Variants in NARS2 observed in about 807,000 individuals in gnomAD.
NARS2 encodes the protein asparaginyl-tRNA synthetase.
NARS2 carries 60 observed loss-of-function variants against 62.9 expected under a neutral mutation model. The ratio of observed to expected loss-of-function variants is 0.95; its 90% CI spans 0.77 to 1.18. The LOEUF is 1.18. NARS2 is among the 50% of genes most tolerant of loss of function. The pLI, the probability that NARS2 is intolerant of heterozygous loss-of-function variation, is 0.00. For synonymous variants in NARS2, 196 were observed against 200.0 expected (o/e 0.98, Z 0.17); for missense variants, 619 against 576.4 (o/e 1.07, Z -0.76).
At chr11:78,494,515 A>T (rs1373820948) in intron 6 of NARS2, among the ~76,000 whole-genome samples, 8 of 148,182 alleles carry the variant, frequency 5.4e-5, no homozygotes, top group Non-Finnish European at 1.0e-4. Context: ...AAGGAAACAT[A>T]AAGTAACTAT....
intron 7 of NARS2, among the ~76,000 whole-genome samples, chr11:78,481,524 G>T (rs1468086736): frequency 1.3e-5 from 2 of 152,142 alleles, no homozygotes; most frequent in African/African-American, 4.8e-5. Context: ...GACCACTGGG[G>T]TTGTTAAATC....
rs544972589 is a variant in NARS2 at position 78,469,283 on chromosome 11, T to C, written c.990A>G (p.Leu330=). Reference sequence around the variant, plus strand: ...AGGTGAAGTTCTGGGATGCTTGCTTTAAGATCTCCACTGCTTCAGTATAAG... The same window carrying C: ...AGGTGAAGTTCTGGGATGCTTGCTTCAAGATCTCCACTGCTTCAGTATAAG... The part of the protein sequence containing the change: ...IISYTEAVEI[L]KQASQNFTFT... Residue 330 remains leucine (L), a synonymous_variant, in exon 10 of 14, where the codon TTA becomes TTG. Coordinates refer to ENST00000281038, the MANE Select transcript of NARS2 (RefSeq NM_024678.6). The C allele has an allele frequency of 1.4e-5, 23 of 1,613,380 alleles. No individual in the cohort carries two copies. In the South Asian group the frequency reaches 2.3e-4, roughly 16 times the overall value.
At chr11:78,522,638 T>C (rs925707033) in intron 6 of NARS2, among the ~76,000 whole-genome samples, 6 of 152,206 alleles carry the variant, frequency 3.9e-5, no homozygotes, top group Admixed American at 1.3e-4. Flanking sequence ...AACAGAAGAA[T>C]TCATTAATTT....
At chr11:78,526,112 G>A (rs1475325231) in intron 6 of NARS2, among the ~76,000 whole-genome samples, 6 of 152,188 alleles carry the variant, frequency 3.9e-5, no homozygotes, top group Admixed American at 2.0e-4. Flanking sequence ...AAAGTCTAGA[G>A]CTTCATTAAT....
At chr11:78,466,063 T>C (rs757534746) in intron 10 of NARS2, 50 bp from the exon 11 acceptor site, 10 of 1,532,458 alleles carry the variant, frequency 6.5e-6, no homozygotes, top group Admixed American at 4.4e-5. Context: ...AGGTGAAATA[T>C]ACAATTAAGC....
intron 5 of NARS2, 43 bp downstream of exon 5, chr11:78,559,496 A>G: frequency 8.0e-7 from 1 of 1,247,832 alleles, no homozygotes. Context: ...AATGAAAAAT[A>G]TTAAACAGCA....
At chr11:78,515,382 G>C (rs1329775188) in intron 6 of NARS2, among the ~76,000 whole-genome samples, 1 of 152,178 alleles carries the variant, frequency 6.6e-6, no homozygotes, top group Non-Finnish European at 1.5e-5. Flanking sequence ...GTTTGCTAGG[G>C]GTTGGGGGTA....
chr11:78,491,779 T>G (rs115520383), intron 7 of NARS2, among the ~76,000 whole-genome samples: 1,940 of 152,260 alleles, frequency 0.013, 45 homozygotes, highest in African/African-American at 0.043. Flanking sequence ...CCCACACATC[T>G]CTGCCTTAGA....
At chr11:78,447,275 TC>T (rs1301773834) in intron 11 of NARS2, among the ~76,000 whole-genome samples, 7 of 151,982 alleles carry the variant, frequency 4.6e-5, no homozygotes, top group African/African-American at 1.7e-4. Flanking sequence ...TGCCTCAGCC[TC>T]CTAAGTAGCT....
intron 6 of NARS2, 38 bp downstream of exon 6, chr11:78,528,804 T>A: frequency 2.9e-6 from 4 of 1,387,106 alleles, no homozygotes; most frequent in Non-Finnish European, 4.1e-6. Flanking sequence ...AACCAAACCA[T>A]AATATATCAA....
At chr11:78,555,067 A>T (rs1485252598) in intron 5 of NARS2, 1 of 152,240 alleles carries the variant, frequency 6.6e-6, no homozygotes, top group East Asian at 1.9e-4. Flanking sequence ...GCAACCTTGC[A>T]TCCCAGCAAT....
chr11:78,436,445 C>A lies in NARS2; in HGVS notation c.*225G>T. ...AATTGAGGTAATGGATTTGAGAGTC[C>A]CCTTGCTATAAGTACCTCTTCTTGC... On this transcript the variant is annotated 3_prime_UTR_variant, in exon 14 of 14. Transcript: ENST00000281038. 2.2e-6 allele frequency: 1 copy of A among 464,560 alleles called. No homozygotes were observed. Among genetic ancestry groups the A allele is most frequent in the Non-Finnish European group, 3.8e-6 (1 of 260,354 alleles). The allele number at this position is 464,560 out of a possible 1,614,324, so 28.8% of individuals were successfully genotyped here. A position where few individuals can be genotyped will look rare whatever the true frequency, so the allele number is the denominator to read the frequency against.
At chr11:78,513,438 A>G (rs1007614805) in intron 6 of NARS2, among the ~76,000 whole-genome samples, 2 of 150,454 alleles carry the variant, frequency 1.3e-5, no homozygotes, top group African/African-American at 4.9e-5. Context: ...CTTATTCTCT[A>G]TCTCCATGAG....
At chr11:78,488,529 T>C (rs1859676597) in intron 7 of NARS2, among the ~76,000 whole-genome samples, 1 of 152,184 alleles carries the variant, frequency 6.6e-6, no homozygotes, top group Non-Finnish European at 1.5e-5. Context: ...CAGTGTTGGA[T>C]TTCAGACCAG....
intron 5 of NARS2, among the ~76,000 whole-genome samples, chr11:78,544,797 A>C (rs1324980199): frequency 1.0e-4 from 3 of 29,890 alleles, no homozygotes; most frequent in Non-Finnish European, 4.6e-4. Context: ...CCGTCTCACA[A>C]AAAAAAAAAA....
chr11:78,572,927 G>C (rs1009138172), intron 1 of NARS2, among the ~76,000 whole-genome samples: 1 of 152,152 alleles, frequency 6.6e-6, no homozygotes, highest in Admixed American at 6.5e-5. Context: ...CAAAGTTCAA[G>C]TGCTCAGAGC....
At chr11:78,571,276 G>C in intron 2 of NARS2, 59 bp downstream of exon 2, 1 of 1,053,606 alleles carries the variant, frequency 9.5e-7, no homozygotes, top group African/African-American at 1.6e-5. Flanking sequence ...GTAGGGAAGT[G>C]AGAAGCACTA....
At chr11:78,556,460 G>A (rs1228097024) in intron 5 of NARS2, among the ~76,000 whole-genome samples, 1 of 152,174 alleles carries the variant, frequency 6.6e-6, no homozygotes, top group African/African-American at 2.4e-5. Context: ...TACCTTCTGA[G>A]AAGTCAGAAG....
At chr11:78,445,813 A>G (rs574311368) in intron 11 of NARS2, among the ~76,000 whole-genome samples, 4 of 152,214 alleles carry the variant, frequency 2.6e-5, no homozygotes, top group Admixed American at 2.6e-4. Context: ...GTTTATTTGC[A>G]GCTAGGTGTG....
Sources: gnomAD v4.1 joint callset for allele counts (sites outside exome capture counted in the v4.1 genomes callset) on GRCh38, gnomAD v4.1.1 for gene constraint, MANE v1.5 for transcripts, NCBI Gene and HGNC (gene_info 2026-07-23, HGNC 2026-07-21) for gene names.